PTCSC3: variants seen among roughly 807,000 people sequenced by gnomAD.
PTCSC3 encodes the protein papillary thyroid carcinoma susceptibility candidate 3.
chr14:36,142,972 A>G (rs1881462108), intron 3 of PTCSC3, among the ~76,000 whole-genome samples: 1 of 151,920 alleles, frequency 6.6e-6, no homozygotes, highest in Non-Finnish European at 1.5e-5. Context: ...CCATGTCCCT[A>G]CAAAGGACAT....
At chr14:36,174,873 TAATA>T (rs917815494) in intron 1 of PTCSC3, among the ~76,000 whole-genome samples, 2 of 151,424 alleles carry the variant, frequency 1.3e-5, no homozygotes, top group Non-Finnish European at 2.9e-5. Context: ...AACAAGATGT[TAATA>T]AATCTCTCCT....
downstream of PTCSC3, among the ~76,000 whole-genome samples, chr14:36,135,696 C>A (rs1415493460): frequency 6.6e-6 from 1 of 152,128 alleles, no homozygotes; most frequent in African/African-American, 2.4e-5. Context: ...TGAAAATGCA[C>A]AAACTTGTTA....
intron 2 of PTCSC3, among the ~76,000 whole-genome samples, chr14:36,158,881 C>A (rs886843377): frequency 2.6e-5 from 4 of 152,112 alleles, no homozygotes; most frequent in Non-Finnish European, 1.5e-5. Context: ...TCCATCTAGT[C>A]CTTGAATTTT....
chr14:36,147,457 G>A (rs1881602993), intron 3 of PTCSC3, among the ~76,000 whole-genome samples: 1 of 151,998 alleles, frequency 6.6e-6, no homozygotes, highest in Non-Finnish European at 1.5e-5. Flanking sequence ...GATCGCATCG[G>A]CTCCTGAGGC....
intron 2 of PTCSC3, among the ~76,000 whole-genome samples, chr14:36,162,257 G>GAAAAAA (rs1281172228): frequency 1.7e-5 from 1 of 59,636 alleles, no homozygotes; most frequent in African/African-American, 7.4e-5. Flanking sequence ...GCTGGGGTAT[G>GAAAAAA]GAAAAAAAAA....
In PTCSC3 at chr14:36,143,875, A is replaced by G. The variant is rs1881490170; in HGVS notation, n.323-7519T>C. On this transcript the variant is annotated intron_variant and non_coding_transcript_variant, in intron 3 of 3. Coordinates refer to ENST00000556013, the Ensembl canonical transcript of PTCSC3. Reference sequence around the variant, plus strand: ...GGGATCCAGTTTCAGCTTTCTACATATGGCTAGCCAGTTTTCCCAGCACCA... The same window carrying G: ...GGGATCCAGTTTCAGCTTTCTACATGTGGCTAGCCAGTTTTCCCAGCACCA... Among the ~76,000 whole-genome samples the G allele has an allele frequency of 2.0e-5, 3 of 149,510 alleles. No individual in the cohort carries two copies. In the South Asian group the frequency reaches 6.5e-4, roughly 33 times the overall value.
intron 3 of PTCSC3, among the ~76,000 whole-genome samples, chr14:36,140,763 C>T (rs1452817762): frequency 1.3e-5 from 2 of 151,944 alleles, no homozygotes; most frequent in Admixed American, 1.3e-4. Flanking sequence ...AACTTGATTT[C>T]TTTTATGGAT....
chr14:36,135,274 TATGTGTGTGTGC>T (rs1438305197), downstream of PTCSC3, among the ~76,000 whole-genome samples: 1 of 152,220 alleles, frequency 6.6e-6, no homozygotes, highest in Non-Finnish European at 1.5e-5. Context: ...ATTTAGTTTG[TATGTGTGTGTGC>T]ATGTGTGTGT....
rs367833580 is a variant in PTCSC3 at position 36,146,857 on chromosome 14, G to T, written n.322+6947C>A. Among the ~76,000 whole-genome samples the T allele has an allele frequency of 1.2e-3, 176 of 148,574 alleles. 1 individual carries two copies. The highest frequency in any genetic ancestry group is 8.7e-4 in the South Asian group (4 of 4,604). ...TCAGGAGCTCTTTTAGGGCAGGCCT[G>T]GTGGTGACAAAATCTCTCAGCATTT... On this transcript the variant is annotated intron_variant and non_coding_transcript_variant, in intron 3 of 3. Coordinates refer to ENST00000556013, the Ensembl canonical transcript of PTCSC3.
At chr14:36,145,977 T>G (rs1450840749) in intron 3 of PTCSC3, among the ~76,000 whole-genome samples, 1 of 152,174 alleles carries the variant, frequency 6.6e-6, no homozygotes, top group Non-Finnish European at 1.5e-5. Flanking sequence ...CGGTTTTGAG[T>G]AAGATTCTTA....
chr14:36,147,302 A>G (rs554597501), intron 3 of PTCSC3, among the ~76,000 whole-genome samples: 31 of 152,288 alleles, frequency 2.0e-4, no homozygotes, highest in South Asian at 1.4e-3. Context: ...AGGTACACCA[A>G]TCAGACGTAG....
At chr14:36,137,124 C>T (rs1433520152) in intron 3 of PTCSC3, among the ~76,000 whole-genome samples, 1 of 151,906 alleles carries the variant, frequency 6.6e-6, no homozygotes. Context: ...GATGGCTTCA[C>T]AAAGAAGATA....
chr14:36,142,926 C>T (rs1402150424), intron 3 of PTCSC3, among the ~76,000 whole-genome samples: 1 of 151,186 alleles, frequency 6.6e-6, no homozygotes, highest in Non-Finnish European at 1.5e-5. Context: ...TTTGTTATTG[C>T]GATAGTTTAC....
At chr14:36,160,382 G>GT (rs938914816) in intron 2 of PTCSC3, among the ~76,000 whole-genome samples, 13 of 152,122 alleles carry the variant, frequency 8.5e-5, no homozygotes, top group African/African-American at 3.1e-4. Flanking sequence ...TCCTTATCAT[G>GT]TTTTGTACTT....
intron 2 of PTCSC3, among the ~76,000 whole-genome samples, chr14:36,159,688 G>T (rs1309188373): frequency 6.6e-6 from 1 of 152,184 alleles, no homozygotes; most frequent in Non-Finnish European, 1.5e-5. Context: ...TAGAATAAGT[G>T]CTATGTGATG....
At chr14:36,160,242 G>A (rs1469704038) in intron 2 of PTCSC3, among the ~76,000 whole-genome samples, 3 of 152,120 alleles carry the variant, frequency 2.0e-5, no homozygotes, top group Non-Finnish European at 2.9e-5. Context: ...GGTTAATATT[G>A]TTATGTGTGA....
intron 1 of PTCSC3, among the ~76,000 whole-genome samples, chr14:36,171,559 A>G (rs187190307): frequency 1.3e-5 from 2 of 152,226 alleles, no homozygotes; most frequent in Admixed American, 1.3e-4. Context: ...TGAACAATCT[A>G]ATTGGGCATT....
chr14:36,173,719 G>A (rs900499109), intron 1 of PTCSC3, among the ~76,000 whole-genome samples: 8 of 152,154 alleles, frequency 5.3e-5, no homozygotes, highest in Admixed American at 2.0e-4. Context: ...CTTTGATCTT[G>A]GAGATTTAAA....
intron 2 of PTCSC3, among the ~76,000 whole-genome samples, chr14:36,155,481 A>T (rs192680722): frequency 4.2e-4 from 64 of 152,106 alleles, no homozygotes; most frequent in African/African-American, 1.1e-3. Context: ...TTATATATAC[A>T]TATATAATAG....
Sources: allele counts gnomAD v4.1 joint callset (sites outside exome capture counted in the v4.1 genomes callset), GRCh38; gene constraint gnomAD v4.1.1; transcripts MANE v1.5; gene names NCBI Gene and HGNC (gene_info 2026-07-23, HGNC 2026-07-21).